NOS1AP: variants seen among roughly 807,000 people sequenced by gnomAD.
NOS1AP encodes carboxyl-terminal PDZ ligand of neuronal nitric oxide synthase protein.
Under a neutral mutation model 56.2 loss-of-function variants are expected in NOS1AP, and 21 were observed. That is an observed-to-expected ratio of 0.37 (90% CI 0.26 to 0.54). The LOEUF is 0.54. NOS1AP is among the 20% of genes least tolerant of loss of function. The pLI, the probability that NOS1AP is intolerant of heterozygous loss-of-function variation, is 0.84. For missense variants in NOS1AP, 522 were observed against 657.8 expected (o/e 0.79, Z 2.26); for synonymous variants, 270 against 274.6 (o/e 0.98, Z 0.17).
At chr1:162,308,178 G>A (rs981331591) in intron 4 of NOS1AP, among the ~76,000 whole-genome samples, 1 of 152,278 alleles carries the variant, frequency 6.6e-6, no homozygotes, top group Non-Finnish European at 1.5e-5. Flanking sequence ...AGACATTAAT[G>A]TAGAAGATAT....
intron 2 of NOS1AP, among the ~76,000 whole-genome samples, chr1:162,163,668 C>T (rs906976002): frequency 1.3e-5 from 2 of 151,976 alleles, no homozygotes; most frequent in Non-Finnish European, 2.9e-5. Context: ...GCAAGTGCCC[C>T]AGGTCACCAT....
At chr1:162,138,386 G>A (rs1649093212) in intron 1 of NOS1AP, among the ~76,000 whole-genome samples, 1 of 152,106 alleles carries the variant, frequency 6.6e-6, no homozygotes, top group African/African-American at 2.4e-5. Flanking sequence ...GAGATGGGTG[G>A]GAGGAGTTTG....
At chr1:162,095,272 A>T (rs752858248) in intron 1 of NOS1AP, among the ~76,000 whole-genome samples, 40 of 152,266 alleles carry the variant, frequency 2.6e-4, no homozygotes, top group Middle Eastern at 3.4e-3. Flanking sequence ...CGTGGTCCTC[A>T]TGAGTGGGAT....
In NOS1AP at chr1:162,365,398, C is replaced by A; in HGVS notation, c.940-6C>A. ...TGTCTTCTCTGCCGCTGCCTCTTCT[C>A]TGCAGGTACACTTGCTGAAGGACCA... On this transcript the variant is annotated splice_region_variant and splice_polypyrimidine_tract_variant and intron_variant, in intron 8 of 9. Transcript: ENST00000361897. The A allele has an allele frequency of 6.2e-7, 1 of 1,614,168 alleles. No individual in the cohort carries two copies. Among genetic ancestry groups the A allele is most frequent in the Non-Finnish European group, 8.5e-7 (1 of 1,180,050 alleles).
chr1:162,167,754 T>A (rs902769556), intron 2 of NOS1AP, among the ~76,000 whole-genome samples: 2 of 152,234 alleles, frequency 1.3e-5, no homozygotes, highest in Admixed American at 6.5e-5. Context: ...TGCTTCATTT[T>A]GTGACTTGTG....
At chr1:162,107,180 T>C (rs1647546297) in intron 1 of NOS1AP, among the ~76,000 whole-genome samples, 1 of 152,202 alleles carries the variant, frequency 6.6e-6, no homozygotes, top group Admixed American at 6.5e-5. Flanking sequence ...ACGTATTTTC[T>C]TTGATATTTG....
intron 1 of NOS1AP, among the ~76,000 whole-genome samples, chr1:162,091,113 C>G (rs916520853): frequency 1.3e-5 from 2 of 152,136 alleles, no homozygotes; most frequent in Non-Finnish European, 2.9e-5. Flanking sequence ...CCATCTCTCT[C>G]TTTTACCTGA....
intron 1 of NOS1AP, among the ~76,000 whole-genome samples, chr1:162,136,503 G>A (rs574855559): frequency 6.6e-6 from 1 of 152,222 alleles, no homozygotes; most frequent in South Asian, 2.1e-4. Context: ...GAAAAACATA[G>A]AACCAGCAGC....
chr1:162,153,015 G>A (rs1008958959), intron 1 of NOS1AP, among the ~76,000 whole-genome samples: 1 of 152,146 alleles, frequency 6.6e-6, no homozygotes, highest in Non-Finnish European at 1.5e-5. Context: ...GTGTGTAATG[G>A]GATGGTGTAT....
At chr1:162,110,983 T>C (rs546355451) in intron 1 of NOS1AP, among the ~76,000 whole-genome samples, 1 of 152,354 alleles carries the variant, frequency 6.6e-6, no homozygotes. Context: ...ATTTACTCTA[T>C]GCCAGGTACT....
In NOS1AP at chr1:162,138,166, C is replaced by A. The variant is rs1273780668; in HGVS notation, c.106-16239C>A. On this transcript the variant is annotated intron_variant, in intron 1 of 9. Transcript: ENST00000361897. ...TCAAAACCTAACAGCTTAAAGCAAT[C>A]ATAATCATTTATTCTCTCATAGTTT... Among the ~76,000 whole-genome samples, 8 of 152,156 alleles carry A rather than the reference C, an allele frequency of 5.3e-5. No homozygotes were observed. In the East Asian group the frequency reaches 1.5e-3, roughly 29 times the overall value.
At chr1:162,258,836 T>G (rs1214522748) in intron 2 of NOS1AP, among the ~76,000 whole-genome samples, 1 of 152,182 alleles carries the variant, frequency 6.6e-6, no homozygotes, top group East Asian at 1.9e-4. Context: ...ATATTGAGAT[T>G]TAAGTGGGCT....
chr1:162,271,314 C>A (rs1654578125), intron 2 of NOS1AP, among the ~76,000 whole-genome samples: 1 of 146,960 alleles, frequency 6.8e-6, no homozygotes. Context: ...CCTTGGGATA[C>A]TACCCAGAAG....
intron 3 of NOS1AP, among the ~76,000 whole-genome samples, 192 bp from the exon 4 acceptor site, chr1:162,300,441 A>C (rs1164311366): frequency 6.6e-6 from 1 of 152,150 alleles, no homozygotes; most frequent in Non-Finnish European, 1.5e-5. Flanking sequence ...ACTCTCCTAA[A>C]GTGCTTGGAG....
At chr1:162,319,512 C>T (rs1656342622) in intron 4 of NOS1AP, among the ~76,000 whole-genome samples, 1 of 152,182 alleles carries the variant, frequency 6.6e-6, no homozygotes, top group Non-Finnish European at 1.5e-5. Flanking sequence ...ACCAGTCCTT[C>T]TGTATGCCCT....
At chr1:162,250,196 C>T (rs114111277) in intron 2 of NOS1AP, among the ~76,000 whole-genome samples, 1 of 152,166 alleles carries the variant, frequency 6.6e-6, no homozygotes, top group South Asian at 2.1e-4. Flanking sequence ...TGCCCATTTT[C>T]CCGAGGGGAC....
chr1:162,197,155 T>C (rs1000852248), intron 2 of NOS1AP, among the ~76,000 whole-genome samples: 1 of 152,218 alleles, frequency 6.6e-6, no homozygotes, highest in African/African-American at 2.4e-5. Context: ...AATGGCATTG[T>C]CTTGGGTGTT....
intron 4 of NOS1AP, among the ~76,000 whole-genome samples, chr1:162,301,166 A>G (rs1001201582): frequency 3.9e-5 from 6 of 152,224 alleles, no homozygotes; most frequent in African/African-American, 1.4e-4. Context: ...ATGTGTCTAC[A>G]GGTCTGAATG....
intron 1 of NOS1AP, among the ~76,000 whole-genome samples, chr1:162,113,372 C>A (rs961522965): frequency 6.6e-6 from 1 of 152,140 alleles, no homozygotes; most frequent in Non-Finnish European, 1.5e-5. Context: ...GGCAGCCCCA[C>A]AGTGGAATGT....
Sources: gnomAD v4.1 joint callset for allele counts (sites outside exome capture counted in the v4.1 genomes callset) on GRCh38, gnomAD v4.1.1 for gene constraint, MANE v1.5 for transcripts, NCBI Gene and HGNC (gene_info 2026-07-23, HGNC 2026-07-21) for gene names.